DNAH5: variants seen among roughly 807,000 people sequenced by gnomAD.
The protein encoded by DNAH5 is axonemal beta dynein heavy chain 5.
DNAH5 carries 372 observed loss-of-function variants against 518.2 expected under a neutral mutation model. The ratio of observed to expected loss-of-function variants is 0.72; its 90% CI spans 0.66 to 0.78. The LOEUF (loss-of-function observed/expected upper bound fraction) is 0.78, where lower values mean the gene tolerates loss of function less well. Among genes scored for constraint, DNAH5 ranks in the 30% least tolerant of loss-of-function variants. DNAH5 has a pLI of 0.00. For synonymous variants in DNAH5, 2,039 were observed against 2,025.9 expected (o/e 1.01, Z -0.17); for missense variants, 5,523 against 5,687.0 (o/e 0.97, Z 0.93).
chr5:13,783,055 C>A (rs1286260852), intron 52 of DNAH5, among the ~76,000 whole-genome samples: 1 of 152,146 alleles, frequency 6.6e-6, no homozygotes, highest in Non-Finnish European at 1.5e-5. Context: ...GAAAAGAATG[C>A]TGGGGAAACA....
chr5:13,917,112 T>C (rs1285745579), intron 8 of DNAH5, 31 bp downstream of exon 8: 4 of 1,525,726 alleles, frequency 2.6e-6, no homozygotes, highest in Non-Finnish European at 3.6e-6. Context: ...GGGTTATCTA[T>C]AGACTGAAAG....
chr5:13,713,392 C>G (rs1472006372), intron 75 of DNAH5, among the ~76,000 whole-genome samples: 4 of 132,232 alleles, frequency 3.0e-5, no homozygotes, highest in African/African-American at 5.8e-5. Context: ...TATATATACA[C>G]TGACATATAT....
chr5:13,743,858 G>A (rs144318445), intron 65 of DNAH5, among the ~76,000 whole-genome samples: 443 of 152,154 alleles, frequency 2.9e-3, no homozygotes, highest in African/African-American at 0.01. Context: ...CACTGTGTGT[G>A]GGAATGTAAA....
intron 68 of DNAH5, 105 bp downstream of exon 68, chr5:13,735,026 C>T (rs1330070520): frequency 1.0e-6 from 1 of 986,278 alleles, no homozygotes; most frequent in African/African-American, 1.6e-5. Context: ...TGCAGTCTTA[C>T]ATAATGCAAG....
intron 78 of DNAH5, among the ~76,000 whole-genome samples, chr5:13,695,853 T>C (rs7706546): frequency 0.57 from 86,457 of 151,908 alleles, 24,946 homozygotes; most frequent in African/African-American, 0.65. Context: ...CACATGCACA[T>C]GCACATACAC....
chr5:13,830,633 G>C lies in DNAH5; in HGVS notation c.6025C>G (p.Gln2009Glu), dbSNP rs1763540075. ...CGTCCAAGTCCTCGGAAATCCATCT[G>C]GTCTGAACAATTGAAAACCACGACG... is the stretch of plus-strand genomic sequence containing the variant. ...KYVVVFNCSD[Q>E]MDFRGLGRIF... Residue 2009 changes from glutamine (Q) to glutamate (E), a missense_variant, in exon 36 of 79, where the codon CAG becomes GAG. By Grantham distance (29) the Gln-to-Glu change is conservative. Around this residue, in one of 3 missense-constraint regions of DNAH5, gnomAD observed 5,121 missense variants for 5,223.3 expected, o/e 0.98. Transcript: ENST00000265104. 1 of 1,614,026 alleles carries C rather than the reference G, an allele frequency of 6.2e-7. No homozygotes were observed. The highest frequency in any genetic ancestry group is 1.3e-5 in the African/African-American group (1 of 74,898).
intron 1 of DNAH5, among the ~76,000 whole-genome samples, chr5:13,972,972 C>A (rs1781984480): frequency 6.6e-6 from 1 of 152,156 alleles, no homozygotes; most frequent in African/African-American, 2.4e-5. Context: ...TTCAAAATGT[C>A]CATTTCTAAT....
Position 13,811,710 on chromosome 5 carries a change from C to T in DNAH5, c.7344G>A (p.Glu2448=), listed in dbSNP as rs766413623. ...GTGTGATGACAAAGGCCTCCAGCACCTCCATCTTGTATTCTAAGTTCTGGA... is the reference window on the plus strand; with the variant it reads ...GTGTGATGACAAAGGCCTCCAGCACTTCCATCTTGTATTCTAAGTTCTGGA... ...FCIQNLEYKM[E]VLEAFVITQS... The change falls in exon 44 of 79, where the codon GAG becomes GAA. Residue 2448 remains glutamate (E), a synonymous_variant. Transcript: ENST00000265104. 13 of 1,614,052 alleles carry T rather than the reference C, an allele frequency of 8.1e-6. No homozygotes were observed. Among genetic ancestry groups the T allele is most frequent in the Non-Finnish European group, 1.1e-5 (13 of 1,180,018 alleles).
intron 44 of DNAH5, 105 bp downstream of exon 44, chr5:13,811,542 C>G: frequency 8.9e-7 from 1 of 1,128,650 alleles, no homozygotes; most frequent in Non-Finnish European, 1.3e-6. Context: ...ATATAGTACT[C>G]TCTGTATAGC....
At chr5:13,696,219 C>T (rs78162876) in intron 78 of DNAH5, among the ~76,000 whole-genome samples, 11 of 152,200 alleles carry the variant, frequency 7.2e-5, no homozygotes, top group South Asian at 4.1e-4. Context: ...GTTCCAATCA[C>T]GGTTTTCCAT....
At chr5:14,010,564 C>T (rs2152091881) in intron 1 of DNAH5, among the ~76,000 whole-genome samples, 1 of 152,110 alleles carries the variant, frequency 6.6e-6, no homozygotes, top group Admixed American at 6.5e-5. Flanking sequence ...TTTTCTTTGA[C>T]AGAAAATGAG....
At chr5:13,769,168 C>A in intron 57 of DNAH5, 32 bp from the exon 58 acceptor site, 2 of 1,604,254 alleles carry the variant, frequency 1.2e-6, no homozygotes, top group Non-Finnish European at 1.7e-6. Flanking sequence ...AATACTTCAC[C>A]AAACAGTATT....
At chr5:14,000,348 G>A (rs1389926532) in intron 1 of DNAH5, among the ~76,000 whole-genome samples, 1 of 152,240 alleles carries the variant, frequency 6.6e-6, no homozygotes, top group Non-Finnish European at 1.5e-5. Flanking sequence ...TTCGGAGTGA[G>A]CACGGCCCTT....
rs142969794 is a variant in DNAH5 at position 13,944,382 on chromosome 5, C to A, written c.57G>T (p.Thr19=). 9.2e-5 allele frequency: 148 copies of A among 1,613,722 alleles called. No individual in the cohort carries two copies. In the African/African-American group the frequency reaches 1.9e-3, roughly 20 times the overall value. ...AAAGGTACAGACAACAGCACCTTAC[C>A]GTTAAAACTCGAGTGACGCTATGCT... The part of the protein sequence containing the change: ...LWKHSVTRVL[T]QRLKGEKEAK... The change falls in exon 1 of 79, where the codon ACG becomes ACT. Residue 19 remains threonine, a splice_region_variant and synonymous_variant. Transcript: ENST00000265104.
intron 22 of DNAH5, among the ~76,000 whole-genome samples, chr5:13,874,864 C>A (rs115509305): frequency 6.6e-6 from 1 of 152,058 alleles, no homozygotes; most frequent in African/African-American, 2.4e-5. Context: ...GATGACCAAC[C>A]TATGGGCATG....
intron 1 of DNAH5, among the ~76,000 whole-genome samples, chr5:13,978,730 C>T (rs1277784081): frequency 1.3e-5 from 2 of 152,156 alleles, no homozygotes; most frequent in Non-Finnish European, 2.9e-5. Flanking sequence ...TGCCATATAG[C>T]CTAAGGATAT....
intron 65 of DNAH5, among the ~76,000 whole-genome samples, chr5:13,748,208 T>C (rs1276457007): frequency 1.3e-5 from 2 of 152,244 alleles, no homozygotes; most frequent in South Asian, 2.1e-4. Context: ...GTATTATTTC[T>C]GAGGGTTCTG....
chr5:13,904,804 G>A (rs888749152), intron 12 of DNAH5, among the ~76,000 whole-genome samples: 10 of 152,030 alleles, frequency 6.6e-5, no homozygotes, highest in South Asian at 4.2e-4. Flanking sequence ...TCAACTACTC[G>A]GGAGGCTGAG....
rs771663107 is a variant in DNAH5, at chr5:13,865,675, G to A, written c.4348C>T (p.Gln1450Ter). The change falls in exon 27 of 79, where the codon CAG becomes TAG. Residue 1450 changes from glutamine (Q) to a stop codon, truncating the protein, a stop_gained. Coordinates refer to ENST00000265104, the MANE Select transcript of DNAH5 (RefSeq NM_001369.3). LOFTEE classifies it high-confidence loss of function. ...EKINNELLEF[Q>*]NRCRKLPRAL... is the part of the protein sequence containing the mutation. ...AAACATTTAATTTCTTACCTGTTCT[G>A]GAATTCTAAGAGTTCATTGTTAATT... 11 of 1,554,958 alleles carry A rather than the reference G, an allele frequency of 7.1e-6. No homozygotes were observed. Among genetic ancestry groups the A allele is most frequent in the Non-Finnish European group, 8.0e-6 (9 of 1,126,502 alleles).
Sources: allele counts gnomAD v4.1 joint callset (sites outside exome capture counted in the v4.1 genomes callset), GRCh38; gene constraint gnomAD v4.1.1; regional missense constraint gnomAD v4.1.1; transcripts MANE v1.5; gene names NCBI Gene and HGNC (gene_info 2026-07-23, HGNC 2026-07-21).